The following PCSK2 variants were observed in gnomAD, a reference collection of about 807,000 sequenced individuals.
The protein encoded by PCSK2 is neuroendocrine convertase 2.
In PCSK2, 14 loss-of-function variants were observed where a neutral mutation model predicts 69.7. That is an observed-to-expected ratio of 0.20 (90% CI 0.13 to 0.31). The LOEUF (loss-of-function observed/expected upper bound fraction) is 0.31. Ranked by LOEUF, PCSK2 falls within the 10% of genes least tolerant of loss-of-function variation. The pLI is 1.00. For synonymous variants in PCSK2, 307 were observed against 320.7 expected (o/e 0.96, Z 0.46); for missense variants, 544 against 842.5 (o/e 0.65, Z 4.39).
intron 2 of PCSK2, among the ~76,000 whole-genome samples, chr20:17,316,211 A>C (rs1200761822): frequency 6.6e-6 from 1 of 152,178 alleles, no homozygotes; most frequent in Non-Finnish European, 1.5e-5. Flanking sequence ...CTCACAGGAC[A>C]TGCCTCTCTT....
chr20:17,244,977 G>T (rs1986718859), intron 1 of PCSK2, among the ~76,000 whole-genome samples: 1 of 152,072 alleles, frequency 6.6e-6, no homozygotes, highest in Admixed American at 6.6e-5. Context: ...GGTTTCTTTA[G>T]TATCTCCTCC....
intron 2 of PCSK2, among the ~76,000 whole-genome samples, chr20:17,310,255 A>T (rs1989463694): frequency 6.6e-6 from 1 of 152,156 alleles, no homozygotes. Context: ...CTGATACCTA[A>T]TTGGCTTAGA....
At chr20:17,343,482 T>C (rs985339194) in intron 2 of PCSK2, among the ~76,000 whole-genome samples, 4 of 152,186 alleles carry the variant, frequency 2.6e-5, no homozygotes, top group African/African-American at 7.2e-5. Flanking sequence ...GCAACCAACC[T>C]CACTTCTCCA....
intron 3 of PCSK2, among the ~76,000 whole-genome samples, chr20:17,359,937 G>A (rs6044755): frequency 0.73 from 111,289 of 152,104 alleles, 41,089 homozygotes; most frequent in African/African-American, 0.81. Flanking sequence ...CAGGATGAGG[G>A]GCCTTAGGAT....
intron 2 of PCSK2, among the ~76,000 whole-genome samples, chr20:17,305,761 A>C (rs1338018576): frequency 6.6e-6 from 1 of 152,226 alleles, no homozygotes. Context: ...AATGGCATCA[A>C]TCATAGTAGG....
At chr20:17,434,415 A>G (rs911493325) in intron 7 of PCSK2, among the ~76,000 whole-genome samples, 2 of 152,118 alleles carry the variant, frequency 1.3e-5, no homozygotes, top group Non-Finnish European at 2.9e-5. Flanking sequence ...TATCTCATTC[A>G]ATTAATGCAT....
At chr20:17,330,800 G>A (rs1990187170) in intron 2 of PCSK2, among the ~76,000 whole-genome samples, 1 of 152,140 alleles carries the variant, frequency 6.6e-6, no homozygotes, top group Non-Finnish European at 1.5e-5. Context: ...GATGCTCTCT[G>A]CAATTGTCTC....
At chr20:17,235,956 T>C (rs950944180) in intron 1 of PCSK2, among the ~76,000 whole-genome samples, 8 of 152,094 alleles carry the variant, frequency 5.3e-5, no homozygotes, top group African/African-American at 1.7e-4. Context: ...AAAAATGTAA[T>C]AACTTTGATA....
At chr20:17,302,259 C>T (rs1034519462) in intron 2 of PCSK2, among the ~76,000 whole-genome samples, 6 of 152,186 alleles carry the variant, frequency 3.9e-5, no homozygotes, top group African/African-American at 1.4e-4. Flanking sequence ...CAACAACTCC[C>T]TCCACCAACC....
At chr20:17,384,277 T>G (rs1399156919) in intron 5 of PCSK2, among the ~76,000 whole-genome samples, 1 of 152,062 alleles carries the variant, frequency 6.6e-6, no homozygotes, top group African/African-American at 2.4e-5. Context: ...TTTAAGTGAC[T>G]ACATACTATT....
intron 5 of PCSK2, among the ~76,000 whole-genome samples, chr20:17,376,164 C>A (rs988559893): frequency 6.6e-6 from 1 of 152,178 alleles, no homozygotes; most frequent in South Asian, 2.1e-4. Context: ...CACCACCACC[C>A]ACACTGGCCT....
intron 1 of PCSK2, among the ~76,000 whole-genome samples, chr20:17,255,192 G>A (rs1474616711): frequency 2.0e-5 from 3 of 152,106 alleles, no homozygotes; most frequent in Admixed American, 6.5e-5. Context: ...AAAATCTCCA[G>A]TACACTCTTG....
chr20:17,241,672 G>A (rs977073810), intron 1 of PCSK2, among the ~76,000 whole-genome samples: 1 of 152,164 alleles, frequency 6.6e-6, no homozygotes, highest in Non-Finnish European at 1.5e-5. Context: ...TATTGTCCTT[G>A]TAGTCACACT....
At chr20:17,296,009 AG>A (rs1988880477) in intron 2 of PCSK2, among the ~76,000 whole-genome samples, 1 of 152,218 alleles carries the variant, frequency 6.6e-6, no homozygotes, top group Non-Finnish European at 1.5e-5. Flanking sequence ...CCAGCTTCTA[AG>A]GGTACACAAA....
chr20:17,375,455 G>A (rs137978857), intron 5 of PCSK2, among the ~76,000 whole-genome samples: 2,473 of 152,264 alleles, frequency 0.016, 29 homozygotes, highest in Middle Eastern at 0.027. Flanking sequence ...TGTAATGAAG[G>A]ATGCCCCCGA....
Position 17,483,617 on chromosome 20 carries a change from C to T in PCSK2, c.*1547C>T, listed in dbSNP as rs900103250. 3 of 152,226 alleles carry T rather than the reference C, an allele frequency of 2.0e-5. No individual in the cohort carries two copies. Among genetic ancestry groups the T allele is most frequent in the Admixed American group, 1.3e-4 (2 of 15,286 alleles). 9.4% of individuals were successfully genotyped at this position (152,226 alleles called of 1,614,324 possible). ...ACTAGGTTCAATTCCCTGAAGGTGG[C>T]CACTTTAAGAGAGAAATCTGAAAAC... On this transcript the variant is annotated 3_prime_UTR_variant, in exon 12 of 12. Coordinates refer to ENST00000262545, the MANE Select transcript of PCSK2 (RefSeq NM_002594.5).
intron 10 of PCSK2, chr20:17,463,579 T>C (rs2033048632): frequency 6.6e-6 from 1 of 152,050 alleles, no homozygotes; most frequent in Non-Finnish European, 1.5e-5. Context: ...TACGTATGTA[T>C]ACATGTGCCA....
At chr20:17,292,774 T>C (rs142639998) in intron 2 of PCSK2, among the ~76,000 whole-genome samples, 2,117 of 152,242 alleles carry the variant, frequency 0.014, 47 homozygotes, top group African/African-American at 0.048. Context: ...TCAAGGCTCT[T>C]ATAGCTGGGT....
intron 4 of PCSK2, among the ~76,000 whole-genome samples, chr20:17,364,050 A>ACATTAAC (rs1196605267): frequency 6.6e-5 from 10 of 152,120 alleles, no homozygotes; most frequent in African/African-American, 2.4e-4. Context: ...TGACGAGTTA[A>ACATTAAC]TGGGTGCAGC....
Sources: allele counts gnomAD v4.1 joint callset (sites outside exome capture counted in the v4.1 genomes callset), GRCh38; gene constraint gnomAD v4.1.1; transcripts MANE v1.5; gene names NCBI Gene and HGNC (gene_info 2026-07-23, HGNC 2026-07-21).